Variants in KIAA2012 observed in about 807,000 individuals in gnomAD.
The protein encoded by KIAA2012 is KIAA2012, also known as uncharacterized protein KIAA2012.
Under a neutral mutation model 150.6 loss-of-function variants are expected in KIAA2012, and 125 were observed. That is an observed-to-expected ratio of 0.83 (90% confidence interval 0.72 to 0.96). KIAA2012 has a LOEUF of 0.96. KIAA2012 is among the 40% of genes least tolerant of loss of function. The pLI is 0.00. For synonymous variants in KIAA2012, 462 were observed against 504.7 expected, an observed-to-expected ratio of 0.92 and a Z score of 1.13; for missense variants, 1,219 against 1,354.9, an observed-to-expected ratio of 0.90 and a Z score of 1.57.
chr2:202,086,280 G>T (rs948309755), intron 2 of KIAA2012, among the ~76,000 whole-genome samples: 1 of 152,074 alleles, frequency 6.6e-6, no homozygotes, highest in African/African-American at 2.4e-5. Context: ...CCGCACAGGG[G>T]CCACAGCATC....
At chr2:202,075,665 A>C (rs1391183584) in intron 2 of KIAA2012, among the ~76,000 whole-genome samples, 2 of 152,200 alleles carry the variant, frequency 1.3e-5, no homozygotes, top group Non-Finnish European at 2.9e-5. Flanking sequence ...ATACAATATT[A>C]AGGGAAAACA....
chr2:202,196,971 C>T lies in KIAA2012; in HGVS notation c.3359C>T (p.Ala1120Val). 1.3e-6 allele frequency: 2 copies of T among 1,550,594 alleles called. No individual in the cohort carries two copies. The highest frequency in any genetic ancestry group is 1.7e-6 in the Non-Finnish European group (2 of 1,146,980). ...EERRQKEEEA[A>V]RLALEEATKQ... ...AGGAGGCAAAAAGAAGAGGAAGCAG[C>T]AAGACTGGCTCTGGAAGAAGCCACG... Residue 1120 changes from alanine (A) to valine (V), a missense_variant, in exon 22 of 24, where the codon GCA (alanine) becomes GTA (valine). Ala to Val is a moderately conservative substitution (Grantham distance 64, BLOSUM62 0). Coordinates refer to ENST00000498697, the MANE Select transcript of KIAA2012 (RefSeq NM_001277372.4).
In KIAA2012 at chr2:202,202,055, A is replaced by T. The variant is rs551524851; in HGVS notation, c.3408-374A>T. 3.3e-5 allele frequency among the ~76,000 whole-genome samples: 5 copies of T among 152,216 alleles called. No individual in the cohort carries two copies. The South Asian group carries it at 1.0e-3, about 32-fold the overall frequency. The stretch of plus-strand genomic sequence containing the variant: ...GTATTTTTAGTAGAGACGGGATTTC[A>T]CCATGTTGCTCAGGCTGATCTCAAA... On this transcript the variant is annotated intron_variant, in intron 22 of 23. Coordinates refer to ENST00000498697, the MANE Select transcript of KIAA2012 (RefSeq NM_001277372.4).
At chr2:202,096,262 A>C (rs1689882106) in intron 4 of KIAA2012, among the ~76,000 whole-genome samples, 1 of 152,200 alleles carries the variant, frequency 6.6e-6, no homozygotes. Context: ...AAAGGTCTTT[A>C]GTGCTGCACT....
chr2:202,128,819 A>G (rs1690858249), intron 12 of KIAA2012, among the ~76,000 whole-genome samples: 1 of 151,992 alleles, frequency 6.6e-6, no homozygotes, highest in Non-Finnish European at 1.5e-5. Flanking sequence ...CTCTTTCACA[A>G]CTTAGAACCT....
At chr2:202,120,182 A>G (rs1481520630) in intron 11 of KIAA2012, among the ~76,000 whole-genome samples, 1 of 152,166 alleles carries the variant, frequency 6.6e-6, no homozygotes, top group Non-Finnish European at 1.5e-5. Context: ...AGACTAATAC[A>G]CTGTGCAACA....
intron 2 of KIAA2012, among the ~76,000 whole-genome samples, chr2:202,081,332 T>A (rs1689447159): frequency 6.6e-6 from 1 of 152,198 alleles, no homozygotes; most frequent in South Asian, 2.1e-4. Flanking sequence ...TATCTGTTCA[T>A]GTCCTTGTTT....
At chr2:202,158,395 C>G (rs1261203437) in intron 14 of KIAA2012, among the ~76,000 whole-genome samples, 1 of 152,172 alleles carries the variant, frequency 6.6e-6, no homozygotes, top group African/African-American at 2.4e-5. Context: ...TTCCAGGGAG[C>G]CTAGAATCTA....
chr2:202,112,349 G>A (rs1690385125), intron 10 of KIAA2012, among the ~76,000 whole-genome samples: 1 of 152,166 alleles, frequency 6.6e-6, no homozygotes, highest in South Asian at 2.1e-4. Flanking sequence ...ACGGAAGCTC[G>A]GCACATGCTT....
intron 11 of KIAA2012, chr2:202,117,196 T>C (rs1332716793): frequency 6.6e-6 from 1 of 152,240 alleles, no homozygotes; most frequent in Non-Finnish European, 1.5e-5. Flanking sequence ...GGATCATTTA[T>C]TTTGCAGTAA....
At chr2:202,184,912 A>G in intron 16 of KIAA2012, 69 bp downstream of exon 16, 2 of 1,369,434 alleles carry the variant, frequency 1.5e-6, no homozygotes, top group Non-Finnish European at 9.9e-7. Context: ...TAATTGGTTT[A>G]GTTTGGTTTT....
chr2:202,080,538 A>G (rs934151254), intron 2 of KIAA2012, among the ~76,000 whole-genome samples: 1 of 152,106 alleles, frequency 6.6e-6, no homozygotes, highest in African/African-American at 2.4e-5. Flanking sequence ...TACTAAAAAT[A>G]CAAAAAAATT....
rs761751675 is a variant in KIAA2012 at position 202,154,740 on chromosome 2, C to G, written c.1976C>G (p.Ala659Gly). 5 of 1,550,194 alleles carry G rather than the reference C, an allele frequency of 3.2e-6. No homozygotes were observed. In the African/African-American group the frequency reaches 5.5e-5, roughly 17 times the overall value. ...TGEPQSCINK[A>G]LICSNRKEFY... ...GAGCCTCAAAGTTGTATAAATAAAG[C>G]GCTGATATGTTCAAACAGAAAAGAA... is the stretch of plus-strand genomic sequence containing the variant. The change falls in exon 14 of 24, where the codon GCG becomes GGG. Residue 659 changes from alanine (A) to glycine (G), a missense_variant. Coordinates refer to ENST00000498697, the MANE Select transcript of KIAA2012 (RefSeq NM_001277372.4).
chr2:202,196,860 T>A lies in KIAA2012; in HGVS notation c.3248T>A (p.Leu1083Gln). The A allele has an allele frequency of 1.9e-6, 3 of 1,550,462 alleles. No individual in the cohort carries two copies. Among genetic ancestry groups the A allele is most frequent in the Non-Finnish European group, 2.6e-6 (3 of 1,146,970 alleles). Residue 1083 changes from leucine to glutamine, a missense_variant, in exon 22 of 24, where the codon CTG (leucine) becomes CAG (glutamine). Transcript: ENST00000498697. ...EMQLEEEQKHLMEMAEEERLE... is the reference protein window; with the variant it reads ...EMQLEEEQKHQMEMAEEERLE... ...CAGTTAGAAGAAGAACAAAAACACC[T>A]GATGGAAATGGCTGAAGAGGAACGA...
chr2:202,106,172 T>C (rs1690185656), intron 9 of KIAA2012, among the ~76,000 whole-genome samples: 2 of 151,938 alleles, frequency 1.3e-5, no homozygotes, highest in Admixed American at 1.3e-4. Flanking sequence ...GCTCACCAGT[T>C]ACTTACCCCC....
chr2:202,201,724 C>T, intron 22 of KIAA2012: 1 of 1,508,166 alleles, frequency 6.6e-7, no homozygotes. Context: ...CTGTGGCAGC[C>T]CCTGGGGTGC....
At chr2:202,195,596 A>G (rs1359457479) in intron 21 of KIAA2012, among the ~76,000 whole-genome samples, 3 of 152,010 alleles carry the variant, frequency 2.0e-5, no homozygotes, top group Non-Finnish European at 1.5e-5. Flanking sequence ...ACAGTTGCCT[A>G]CAGTGCTATA....
At chr2:202,131,495 C>T (rs1690927292) in intron 12 of KIAA2012, among the ~76,000 whole-genome samples, 1 of 152,222 alleles carries the variant, frequency 6.6e-6, no homozygotes, top group African/African-American at 2.4e-5. Flanking sequence ...ATTCAACAAA[C>T]ACTAATTGTC....
intron 14 of KIAA2012, among the ~76,000 whole-genome samples, chr2:202,162,750 T>G (rs1259841657): frequency 6.6e-6 from 1 of 151,298 alleles, no homozygotes; most frequent in Non-Finnish European, 1.5e-5. Context: ...GCCAACATGG[T>G]GAAACCCCAT....
Sources: gnomAD v4.1 joint callset for allele counts (sites outside exome capture counted in the v4.1 genomes callset) on GRCh38, gnomAD v4.1.1 for gene constraint, MANE v1.5 for transcripts, NCBI Gene and HGNC (gene_info 2026-07-23, HGNC 2026-07-21) for gene names.